The following IRGQ variants were observed in gnomAD, a reference collection of about 807,000 sequenced individuals.
IRGQ encodes the protein immunity-related GTPase family Q protein.
In IRGQ, 5 loss-of-function variants were observed where a neutral mutation model predicts 10.5. The ratio of observed to expected loss-of-function variants is 0.48; its 90% CI spans 0.25 to 1.00. The LOEUF is 1.00. IRGQ is among the 50% of genes least tolerant of loss of function. The pLI, the probability that IRGQ is intolerant of heterozygous loss-of-function variation, is 0.16. For synonymous variants in IRGQ, 418 were observed against 426.0 expected (o/e 0.98, Z 0.23); for missense variants, 792 against 877.7 (o/e 0.90, Z 1.23).
Position 43,589,696 on chromosome 19 carries a change from C to G in IRGQ, c.*2330G>C, listed in dbSNP as rs1026214239. 1 of 152,120 alleles carries G rather than the reference C, an allele frequency of 6.6e-6. No individual in the cohort carries two copies. Among genetic ancestry groups the G allele is most frequent in the African/African-American group, 2.4e-5 (1 of 41,426 alleles). The allele number at this position is 152,120 out of a possible 1,614,324, so 9.4% of individuals were successfully genotyped here. A position where few individuals can be genotyped will look rare whatever the true frequency, so the allele number is the denominator to read the frequency against. On this transcript the variant is annotated 3_prime_UTR_variant, in exon 3 of 3. Transcript: ENST00000422989. Reference sequence around the variant, plus strand: ...AGGCAACGGGTCAAAAGCCAATAAACAGGTAAATAAATAAGATCATTTTTG... The same window carrying G: ...AGGCAACGGGTCAAAAGCCAATAAAGAGGTAAATAAATAAGATCATTTTTG...
In IRGQ at chr19:43,593,934, C is replaced by T. The variant is rs940558831; in HGVS notation, c.531-567G>A. ...GCTAAGGAAAAAAGATGACAGTGTA[C>T]TGGGACAAGGGACTGTCCCTCTCTG... On this transcript the variant is annotated intron_variant, in intron 2 of 2. Coordinates refer to ENST00000422989, the MANE Select transcript of IRGQ (RefSeq NM_001007561.3). This position sits in a 1 kb window ranked among gnomAD's most constrained non-coding sequence, Gnocchi z 6.4. Among the ~76,000 whole-genome samples the T allele has an allele frequency of 2.6e-5, 4 of 152,166 alleles. No individual in the cohort carries two copies. The highest frequency in any genetic ancestry group is 1.3e-4 in the Admixed American group (2 of 15,278).
rs764835170 is a variant in IRGQ, at chr19:43,593,093, G to A, written c.805C>T (p.Arg269Cys). The A allele has an allele frequency of 5.0e-6, 8 of 1,586,674 alleles. No homozygotes were observed. Among genetic ancestry groups the A allele is most frequent in the Non-Finnish European group, 6.0e-6 (7 of 1,162,102 alleles). Residue 269 changes from arginine to cysteine, a missense_variant, in exon 3 of 3, where the codon CGC becomes TGC. By Grantham distance (180) the Arg-to-Cys change is radical. Transcript: ENST00000422989. The surrounding 1 kb of genome is among the most constrained non-coding windows in gnomAD (Gnocchi z 6.4). ...ACGGTCCAGAGCACCACATTCGGGC[G>A]CTCTGGGGCTGGGAAGGGAGTGGGT... is the stretch of plus-strand genomic sequence containing the variant. Reference protein sequence around the residue: ...TAPTPFPAPERPNVVLWTVPL... With the variant: ...TAPTPFPAPECPNVVLWTVPL...
In IRGQ at chr19:43,593,140, G is replaced by A. The variant is rs369790576; in HGVS notation, c.758C>T (p.Ala253Val). 11 of 1,559,170 alleles carry A rather than the reference G, an allele frequency of 7.1e-6. No individual in the cohort carries two copies. Among genetic ancestry groups the A allele is most frequent in the African/African-American group, 2.7e-5 (2 of 73,390 alleles). The change falls in exon 3 of 3, where the codon GCG becomes GTG. Residue 253 changes from alanine (A) to valine (V), a missense_variant. Ala to Val is a moderately conservative substitution (Grantham distance 64, BLOSUM62 0). Coordinates refer to ENST00000422989, the MANE Select transcript of IRGQ (RefSeq NM_001007561.3). This position sits in a 1 kb window ranked among gnomAD's most constrained non-coding sequence, Gnocchi z 6.4. ...LGLDPGDPGAAPASVPTAPTP... is the reference protein window; with the variant it reads ...LGLDPGDPGAVPASVPTAPTP... ...GGGTGCTGTGGGGACCGAAGCAGGC[G>A]CAGCGCCTGGGTCGCCAGGATCCAA...
Position 43,595,347 on chromosome 19 carries a change from A to G in IRGQ, c.-2-7T>C. 6.5e-7 allele frequency: 1 copy of G among 1,535,630 alleles called. No homozygotes were observed. The highest frequency in any genetic ancestry group is 8.7e-7 in the Non-Finnish European group (1 of 1,146,326). ...CCCTGCGGCGGAGGCATGGCTGGAAAGCAACGGGTAGAGAAGACCTGGGTC... is the reference window on the plus strand; with the variant it reads ...CCCTGCGGCGGAGGCATGGCTGGAAGGCAACGGGTAGAGAAGACCTGGGTC... On this transcript the variant is annotated splice_polypyrimidine_tract_variant and splice_region_variant and intron_variant, in intron 1 of 2. Coordinates refer to ENST00000422989, the MANE Select transcript of IRGQ (RefSeq NM_001007561.3).
In IRGQ at chr19:43,594,800, G is replaced by A. The variant is rs773250987; in HGVS notation, c.530+9C>T. On this transcript the variant is annotated intron_variant, in intron 2 of 2. Transcript: ENST00000422989. ...GACTAACGGACCCAGCCAGAAAGCCGGCACTCACCTCCGCAGCGCTTCTGC... is the reference window on the plus strand; with the variant it reads ...GACTAACGGACCCAGCCAGAAAGCCAGCACTCACCTCCGCAGCGCTTCTGC... The A allele has an allele frequency of 1.9e-6, 3 of 1,588,906 alleles. No individual in the cohort carries two copies. The highest frequency in any genetic ancestry group is 4.5e-5 in the East Asian group (2 of 44,496).
chr19:43,584,819 A>T lies in IRGQ; in HGVS notation c.*7207T>A, dbSNP rs1168902501. 1 of 152,170 alleles carries T rather than the reference A, an allele frequency of 6.6e-6. No homozygotes were observed. The highest frequency in any genetic ancestry group is 6.6e-5 in the Admixed American group (1 of 15,256). 9.4% of individuals were successfully genotyped at this position (152,170 alleles called of 1,614,324 possible). A position where few individuals can be genotyped will look rare whatever the true frequency, so the allele number is the denominator to read the frequency against. ...GTCTCTTTTCCCTTTATTACCCAGC[A>T]GGTTAGCCCAGATCTTTTCCTTTTC... On this transcript the variant is annotated 3_prime_UTR_variant, in exon 3 of 3. Coordinates refer to ENST00000422989, the MANE Select transcript of IRGQ (RefSeq NM_001007561.3).
Position 43,592,610 on chromosome 19 carries a change from G to A in IRGQ, c.1288C>T (p.Pro430Ser), listed in dbSNP as rs773661245. ...CCGCCAGGCCGTAGGGGGAACACTGGCGGCGGCGCCTCCTCCAGCACCTCC... is the reference window on the plus strand; with the variant it reads ...CCGCCAGGCCGTAGGGGGAACACTGACGGCGGCGCCTCCTCCAGCACCTCC... ...TWEVLEEAPP[P>S]VFPLRPGGLP... is the part of the protein sequence containing the mutation. The change falls in exon 3 of 3, where the codon CCA (proline) becomes TCA (serine). Residue 430 changes from proline to serine, a missense_variant. Pro to Ser is a moderately conservative substitution (Grantham distance 74). Transcript: ENST00000422989. The A allele has an allele frequency of 6.2e-7, 1 of 1,601,356 alleles. No homozygotes were observed. The highest frequency in any genetic ancestry group is 8.5e-7 in the Non-Finnish European group (1 of 1,179,844).
chr19:43,593,232 G>A lies in IRGQ; in HGVS notation c.666C>T (p.Ser222=), dbSNP rs1181452865. ...WVRSGLERLG[S]ARLDLAVAGK... ...CAGCCACGGCCAGGTCTAGCCGTGC[G>A]CTGCCCAGGCGCTCCAGGCCTGAGC... The change falls in exon 3 of 3, where the codon AGC becomes AGT. Residue 222 remains serine (S), a synonymous_variant. Transcript: ENST00000422989. The surrounding 1 kb of genome is among the most constrained non-coding windows in gnomAD (Gnocchi z 6.4). The A allele has an allele frequency of 1.3e-6, 2 of 1,585,672 alleles. No individual in the cohort carries two copies. The highest frequency in any genetic ancestry group is 1.8e-5 in the Admixed American group (1 of 55,400).
Position 43,593,045 on chromosome 19 carries a change from C to T in IRGQ, c.853G>A (p.Ala285Thr). Residue 285 changes from alanine to threonine, a missense_variant, in exon 3 of 3, where the codon GCC becomes ACC. Physicochemically the swap from Ala to Thr is moderately conservative, Grantham distance 58. Transcript: ENST00000422989. The surrounding 1 kb of genome is among the most constrained non-coding windows in gnomAD (Gnocchi z 6.4). Reference sequence around the variant, plus strand: ...TGAGAGGCGGCGGCCGCGGTGGTGGCAGTGCCCGTGTGGCCCAGAGGCACG... The same window carrying T: ...TGAGAGGCGGCGGCCGCGGTGGTGGTAGTGCCCGTGTGGCCCAGAGGCACG... ...WTVPLGHTGT[A>T]TTAAAASHPT... The T allele has an allele frequency of 1.9e-6, 3 of 1,605,844 alleles. No individual in the cohort carries two copies. The highest frequency in any genetic ancestry group is 2.6e-6 in the Non-Finnish European group (3 of 1,175,376).
rs1046325224 is a variant in IRGQ at position 43,592,664 on chromosome 19, C to G, written c.1234G>C (p.Ala412Pro). ...KSGGGDSERA[A>P]ALSPEDETWE... Reference sequence around the variant, plus strand: ...GTCTCGTCCTCCGGGCTTAACGCAGCGGCCCGCTCTGAGTCGCCACCACCT... The same window carrying G: ...GTCTCGTCCTCCGGGCTTAACGCAGGGGCCCGCTCTGAGTCGCCACCACCT... The change falls in exon 3 of 3, where the codon GCT becomes CCT. Residue 412 changes from alanine (A) to proline (P), a missense_variant. Ala to Pro is a conservative substitution (Grantham distance 27). Transcript: ENST00000422989. 4 of 1,605,874 alleles carry G rather than the reference C, an allele frequency of 2.5e-6. No individual in the cohort carries two copies. Among genetic ancestry groups the G allele is most frequent in the Non-Finnish European group, 3.4e-6 (4 of 1,179,964 alleles).
chr19:43,592,510 G>T lies in IRGQ; in HGVS notation c.1388C>A (p.Pro463Gln). 6.3e-7 allele frequency: 1 copy of T among 1,595,436 alleles called. No homozygotes were observed. The highest frequency in any genetic ancestry group is 8.5e-7 in the Non-Finnish European group (1 of 1,178,346). The change falls in exon 3 of 3, where the codon CCA (proline) becomes CAA (glutamine). Residue 463 changes from proline to glutamine, a missense_variant. Transcript: ENST00000422989. ...AQAGALLLAL[P>Q]PASPSAARTK... is the part of the protein sequence containing the mutation. ...TCGGGCAGCGCTGGGAGATGCTGGT[G>T]GCAACGCCAGCAGCAGTGCCCCTGC... is the stretch of plus-strand genomic sequence containing the variant.
rs1973106147 is a variant in IRGQ, at chr19:43,594,665, C to T, written c.530+144G>A. On this transcript the variant is annotated intron_variant, in intron 2 of 2. Coordinates refer to ENST00000422989, the MANE Select transcript of IRGQ (RefSeq NM_001007561.3). ...CCTAGCCAACATAGCGAGACCCTGT[C>T]TCTCAGGAAAAAAAAAAAAATAATA... The T allele has an allele frequency of 2.7e-5, 16 of 600,950 alleles. No individual in the cohort carries two copies. In the South Asian group the frequency reaches 5.3e-4, roughly 20 times the overall value. 37.2% of individuals were successfully genotyped at this position (600,950 alleles called of 1,614,324 possible).
Position 43,595,179 on chromosome 19 carries a change from GGCCC to G in IRGQ, c.156_159del (p.Gly53GlnfsTer8). The G allele has an allele frequency of 3.1e-6, 5 of 1,610,772 alleles. No homozygotes were observed. The highest frequency in any genetic ancestry group is 4.2e-6 in the Non-Finnish European group (5 of 1,179,010). On this transcript the variant is annotated frameshift_variant, in exon 2 of 3. Coordinates refer to ENST00000422989, the MANE Select transcript of IRGQ (RefSeq NM_001007561.3). LOFTEE classifies it high-confidence loss of function. ...CTCAGCTCGCCCAGAAAAAGGCCTGGGCCCGCAGCTCTTAGGCTGGGAACCCCGG... is the reference window on the plus strand; with the variant it reads ...CTCAGCTCGCCCAGAAAAAGGCCTGGGCAGCTCTTAGGCTGGGAACCCCGG...
At chr19:43,594,727 G>GT in intron 2 of IRGQ, 82 bp downstream of exon 2, 1 of 1,206,594 alleles carries the variant, frequency 8.3e-7, no homozygotes, top group South Asian at 1.4e-5. Context: ...CTCACTGGGG[G>GT]AGGGATCTCA....
Position 43,595,258 on chromosome 19 carries a change from C to G in IRGQ, c.81G>C (p.Leu27=). The change falls in exon 2 of 3, where the codon CTG becomes CTC. Residue 27 remains leucine, a synonymous_variant. Coordinates refer to ENST00000422989, the MANE Select transcript of IRGQ (RefSeq NM_001007561.3). ...CGAGCGTCTCCACATCCTTGTCGCA[C>G]AGCGCTGCGATCAGCGCGGACTTCC... is the stretch of plus-strand genomic sequence containing the variant. ...GLGKSALIAA[L]CDKDVETLEA... 4 of 1,611,704 alleles carry G rather than the reference C, an allele frequency of 2.5e-6. No homozygotes were observed. Among genetic ancestry groups the G allele is most frequent in the Non-Finnish European group, 3.4e-6 (4 of 1,179,464 alleles).
rs1973112329 is a variant in IRGQ at position 43,594,911 on chromosome 19, G to A, written c.428C>T (p.Ala143Val). ...ALLNSAGLGAADLFVLPANCG... is the reference protein window; with the variant it reads ...ALLNSAGLGAVDLFVLPANCG... ...GTTCGCCGGTAGCACAAACAGATCC[G>A]CAGCTCCTAACCCCGCGCTGTTCAG... Residue 143 changes from alanine to valine, a missense_variant, in exon 2 of 3, where the codon GCG becomes GTG. By Grantham distance (64) the Ala-to-Val change is moderately conservative. Coordinates refer to ENST00000422989, the MANE Select transcript of IRGQ (RefSeq NM_001007561.3). The A allele has an allele frequency of 1.2e-6, 2 of 1,613,892 alleles. No individual in the cohort carries two copies. Among genetic ancestry groups the A allele is most frequent in the Non-Finnish European group, 1.7e-6 (2 of 1,179,944 alleles).
In IRGQ at chr19:43,592,011, G is replaced by A. The variant is rs374385985; in HGVS notation, c.*15C>T. The A allele has an allele frequency of 1.8e-5, 28 of 1,565,234 alleles. No homozygotes were observed. Among genetic ancestry groups the A allele is most frequent in the South Asian group, 4.7e-5 (4 of 84,834 alleles). Reference sequence around the variant, plus strand: ...CCCCTGTCAGAGTCTGGACTCCCAAGCCCCCTCCCACTCCTCACTGGGCAG... The same window carrying A: ...CCCCTGTCAGAGTCTGGACTCCCAAACCCCCTCCCACTCCTCACTGGGCAG... On this transcript the variant is annotated 3_prime_UTR_variant, in exon 3 of 3. Coordinates refer to ENST00000422989, the MANE Select transcript of IRGQ (RefSeq NM_001007561.3).
At position 43,590,699 on chromosome 19, in the gene IRGQ, G is replaced by A. The variant is rs920634311; in HGVS notation, c.*1327C>T. 2 of 152,168 alleles carry A rather than the reference G, an allele frequency of 1.3e-5. No homozygotes were observed. Among genetic ancestry groups the A allele is most frequent in the Non-Finnish European group, 2.9e-5 (2 of 68,060 alleles). 9.4% of individuals were successfully genotyped at this position (152,168 alleles called of 1,614,324 possible). ...GCACAAAACACCAAGGCCATAAAGGGTTATGGTTAAATACCAGGAGAAAAA... is the reference window on the plus strand; with the variant it reads ...GCACAAAACACCAAGGCCATAAAGGATTATGGTTAAATACCAGGAGAAAAA... On this transcript the variant is annotated 3_prime_UTR_variant, in exon 3 of 3. Transcript: ENST00000422989.
rs375204970 is a variant in IRGQ, at chr19:43,590,804, C to G, written c.*1222G>C. ...AGAGATCACCTGAATTGCTCAGCAC[C>G]TAGAAGATGAAGGCAGTCATATCCC... On this transcript the variant is annotated 3_prime_UTR_variant, in exon 3 of 3. Coordinates refer to ENST00000422989, the MANE Select transcript of IRGQ (RefSeq NM_001007561.3). 1.0e-3 allele frequency: 153 copies of G among 152,344 alleles called. 1 individual carries two copies. Among genetic ancestry groups the G allele is most frequent in the African/African-American group, 3.6e-3 (150 of 41,574 alleles). The allele number at this position is 152,344 out of a possible 1,614,324, so 9.4% of individuals were successfully genotyped here.
Sources: gnomAD v4.1 joint callset for allele counts (sites outside exome capture counted in the v4.1 genomes callset) on GRCh38, gnomAD v4.1.1 for gene constraint, Gnocchi (gnomAD v3.1) non-coding constraint, MANE v1.5 for transcripts, NCBI Gene and HGNC (gene_info 2026-07-23, HGNC 2026-07-21) for gene names.